CFAP53: variants seen among roughly 807,000 people sequenced by gnomAD.
The protein encoded by CFAP53 is cilia and flagella associated protein 53.
In CFAP53, 62 loss-of-function variants were observed where a neutral mutation model predicts 59.7. The observed-to-expected ratio is 1.04, with a 90% CI of 0.85 to 1.28. The LOEUF is 1.28. CFAP53 is among the 50% of genes most tolerant of loss of function. The pLI is 0.00. For missense variants in CFAP53, 629 were observed against 615.6 expected, an observed-to-expected ratio of 1.02 and a Z score of -0.23; for synonymous variants, 218 against 205.7, an observed-to-expected ratio of 1.06 and a Z score of -0.51.
intron 6 of CFAP53, among the ~76,000 whole-genome samples, chr18:50,241,233 C>A (rs968469173): frequency 6.6e-6 from 1 of 152,132 alleles, no homozygotes; most frequent in Non-Finnish European, 1.5e-5. Context: ...TACCTAGTAA[C>A]CAATGTGGAT....
intron 7 of CFAP53, among the ~76,000 whole-genome samples, chr18:50,227,861 G>A (rs2033540576): frequency 6.6e-6 from 1 of 151,592 alleles, no homozygotes; most frequent in Non-Finnish European, 1.5e-5. Context: ...CTGCTATGTG[G>A]TAATGGTCCT....
Position 50,237,367 on chromosome 18 carries a change from T to TATAC in CFAP53, c.1316+1235_1316+1236insGTAT, listed in dbSNP as rs1555671391. On this transcript the variant is annotated intron_variant, in intron 7 of 7. Coordinates refer to ENST00000398545, the MANE Select transcript of CFAP53 (RefSeq NM_145020.5). ...ATATATATATACGCACACATATATA[T>TATAC]ACACACACACACACACATACACACA... is the stretch of plus-strand genomic sequence containing the variant. Among the ~76,000 whole-genome samples, 15 of 63,912 alleles carry TATAC rather than the reference T, an allele frequency of 2.3e-4. 1 individual carries two copies. Among genetic ancestry groups the TATAC allele is most frequent in the East Asian group, 5.7e-4 (1 of 1,750 alleles). The allele number at this position is 63,912 out of a possible 152,430, so 41.9% of individuals were successfully genotyped here. A position where few individuals can be genotyped will look rare whatever the true frequency, so the allele number is the denominator to read the frequency against.
chr18:50,262,894 G>A (rs1568160437), intron 1 of CFAP53, among the ~76,000 whole-genome samples: 1 of 152,090 alleles, frequency 6.6e-6, no homozygotes, highest in Non-Finnish European at 1.5e-5. Context: ...TATTTCTATG[G>A]TGCCCAGAAG....
chr18:50,240,149 C>T (rs947937647), intron 6 of CFAP53, among the ~76,000 whole-genome samples: 2 of 151,912 alleles, frequency 1.3e-5, no homozygotes, highest in African/African-American at 4.8e-5. Context: ...TGATCATCTG[C>T]CCCACCCTGA....
At chr18:50,231,612 G>T (rs2033584444) in intron 7 of CFAP53, among the ~76,000 whole-genome samples, 1 of 152,190 alleles carries the variant, frequency 6.6e-6, no homozygotes, top group Non-Finnish European at 1.5e-5. Flanking sequence ...TCAGCAGCTG[G>T]CTTTTAGTAT....
Position 50,261,052 on chromosome 18 carries a change from T to C in CFAP53, c.473+12A>G. 5.7e-6 allele frequency: 9 copies of C among 1,588,292 alleles called. No individual in the cohort carries two copies. Among genetic ancestry groups the C allele is most frequent in the Non-Finnish European group, 7.7e-6 (9 of 1,173,942 alleles). On this transcript the variant is annotated intron_variant, in intron 3 of 7. Coordinates refer to ENST00000398545, the MANE Select transcript of CFAP53 (RefSeq NM_145020.5). ...CTTTGGATTCTGTTTGTGTGTTTTC[T>C]GATTTCATTACCTGAATTGCTGGTC... is the stretch of plus-strand genomic sequence containing the variant.
intron 7 of CFAP53, among the ~76,000 whole-genome samples, chr18:50,230,058 T>A (rs950183280): frequency 6.6e-6 from 1 of 152,174 alleles, no homozygotes; most frequent in Admixed American, 6.5e-5. Flanking sequence ...ATGCCTGGCC[T>A]CTTTGTAGTT....
In CFAP53 at chr18:50,261,175, T is replaced by G; in HGVS notation, c.362A>C (p.Glu121Ala). 1 of 1,594,256 alleles carries G rather than the reference T, an allele frequency of 6.3e-7. No homozygotes were observed. The highest frequency in any genetic ancestry group is 8.5e-7 in the Non-Finnish European group (1 of 1,174,802). The part of the protein sequence containing the change: ...EYFTEMQLKK[E>A]TIEEKKDRMR... The stretch of plus-strand genomic sequence containing the variant: ...CCTATCTTTTTTCTCCTCAATGGTT[T>G]CTTTCTTCAATTGCATTTCTGTAAA... The change falls in exon 3 of 8, where the codon GAA becomes GCA. Residue 121 changes from glutamate (E) to alanine (A), a missense_variant. Glu to Ala is a moderately radical substitution (Grantham distance 107). Coordinates refer to ENST00000398545, the MANE Select transcript of CFAP53 (RefSeq NM_145020.5).
intron 1 of CFAP53, among the ~76,000 whole-genome samples, 183 bp from the exon 2 acceptor site, chr18:50,262,402 A>G (rs375244373): frequency 1.3e-5 from 2 of 152,250 alleles, no homozygotes; most frequent in Admixed American, 6.5e-5. Flanking sequence ...CTCTGAGCCT[A>G]TACCTAAGAT....
At chr18:50,252,249 G>C (rs1403613371) in intron 3 of CFAP53, among the ~76,000 whole-genome samples, 1 of 151,800 alleles carries the variant, frequency 6.6e-6, no homozygotes, top group Non-Finnish European at 1.5e-5. Context: ...GACTACAGGT[G>C]ACCACCACCA....
intron 7 of CFAP53, among the ~76,000 whole-genome samples, chr18:50,231,662 C>T (rs1296391833): frequency 1.3e-5 from 2 of 152,204 alleles, no homozygotes; most frequent in East Asian, 1.9e-4. Context: ...GGCTACTATC[C>T]GGTGTTGCCT....
At chr18:50,262,294 A>C in intron 1 of CFAP53, 75 bp from the exon 2 acceptor site, 2 of 1,211,612 alleles carry the variant, frequency 1.7e-6, no homozygotes, top group Non-Finnish European at 2.4e-6. Context: ...TTATGCTCTC[A>C]ATCAATACTC....
intron 7 of CFAP53, among the ~76,000 whole-genome samples, chr18:50,237,695 G>A (rs2033651360): frequency 6.6e-6 from 1 of 152,038 alleles, no homozygotes; most frequent in African/African-American, 2.4e-5. Context: ...GGAAGAGACT[G>A]AGATGGTATA....
chr18:50,266,450 C>G lies in CFAP53; in HGVS notation c.-46G>C. On this transcript the variant is annotated 5_prime_UTR_variant, in exon 1 of 8. Transcript: ENST00000398545. ...GGGGGCGGCGTCCGCCGCGTTTCCC[C>G]CAACCGTGGCGACCTGCGGGACCCG... is the stretch of plus-strand genomic sequence containing the variant. The G allele has an allele frequency of 6.3e-7, 1 of 1,594,862 alleles. No individual in the cohort carries two copies. The highest frequency in any genetic ancestry group is 8.6e-7 in the Non-Finnish European group (1 of 1,162,486).
intron 5 of CFAP53, among the ~76,000 whole-genome samples, chr18:50,243,532 C>T (rs1247950629): frequency 6.6e-6 from 1 of 152,184 alleles, no homozygotes; most frequent in African/African-American, 2.4e-5. Flanking sequence ...AAATCCTAAT[C>T]TGATCAACAA....
rs1438239095 is a variant in CFAP53, at chr18:50,227,927, A to T, written c.1317-318T>A. The stretch of plus-strand genomic sequence containing the variant: ...CTCTATGGGTAAAATTGGAGAGGAT[A>T]AGCAAACTGCTCAATTCAACTTTTC... On this transcript the variant is annotated intron_variant, in intron 7 of 7. Coordinates refer to ENST00000398545, the MANE Select transcript of CFAP53 (RefSeq NM_145020.5). Among the ~76,000 whole-genome samples, 5 of 149,858 alleles carry T rather than the reference A, an allele frequency of 3.3e-5. No individual in the cohort carries two copies. The South Asian group carries it at 1.1e-3, about 32-fold the overall frequency.
At chr18:50,240,518 C>T (rs1435232157) in intron 6 of CFAP53, among the ~76,000 whole-genome samples, 4 of 152,222 alleles carry the variant, frequency 2.6e-5, no homozygotes, top group Admixed American at 2.6e-4. Flanking sequence ...GGAATAAGAA[C>T]TTCTTCCCCT....
chr18:50,228,589 G>A (rs1232327976), intron 7 of CFAP53, among the ~76,000 whole-genome samples: 4 of 151,768 alleles, frequency 2.6e-5, no homozygotes, highest in African/African-American at 7.3e-5. Flanking sequence ...TCAGGAGTTC[G>A]AGACCAGCCT....
At chr18:50,232,086 A>G (rs150025655) in intron 7 of CFAP53, among the ~76,000 whole-genome samples, 1 of 152,294 alleles carries the variant, frequency 6.6e-6, no homozygotes, top group Non-Finnish European at 1.5e-5. Context: ...CAGTAGACCT[A>G]AGTGGAACTG....
Sources: gnomAD v4.1 joint callset for allele counts (sites outside exome capture counted in the v4.1 genomes callset) on GRCh38, gnomAD v4.1.1 for gene constraint, MANE v1.5 for transcripts, NCBI Gene and HGNC (gene_info 2026-07-23, HGNC 2026-07-21) for gene names.